Variants in KALRN observed in about 807,000 individuals in gnomAD.
The protein encoded by KALRN is kalirin.
Under a neutral mutation model 353.7 loss-of-function variants are expected in KALRN, and 70 were observed. That is an observed-to-expected ratio of 0.20 (90% CI 0.16 to 0.24). The LOEUF is 0.24. Ranked by LOEUF, KALRN falls within the 10% of genes least tolerant of loss-of-function variation. KALRN has a pLI of 1.00. For missense variants in KALRN, 2,791 were observed against 3,756.7 expected (o/e 0.74, Z 6.72); for synonymous variants, 1,391 against 1,434.8 (o/e 0.97, Z 0.69).
At chr3:124,498,725 G>A (rs1425096750) in intron 33 of KALRN, among the ~76,000 whole-genome samples, 1 of 152,110 alleles carries the variant, frequency 6.6e-6, no homozygotes, top group Non-Finnish European at 1.5e-5. Flanking sequence ...GATCAGTCTA[G>A]TACTATGCAC....
At chr3:124,200,740 G>A (rs1475727870) in intron 1 of KALRN, among the ~76,000 whole-genome samples, 1 of 152,132 alleles carries the variant, frequency 6.6e-6, no homozygotes, top group Admixed American at 6.5e-5. Flanking sequence ...TCTAAGTCTG[G>A]GGTATATTTT....
intron 34 of KALRN, among the ~76,000 whole-genome samples, chr3:124,607,605 C>G (rs974700647): frequency 2.6e-5 from 4 of 152,058 alleles, no homozygotes; most frequent in African/African-American, 7.3e-5. Context: ...AATATATCAC[C>G]CTATAATCCT....
At chr3:124,430,512 T>C in intron 15 of KALRN, 144 bp from the exon 16 acceptor site, 1 of 959,264 alleles carries the variant, frequency 1.0e-6, no homozygotes, top group African/African-American at 1.6e-5. Context: ...ATGACCATTT[T>C]GATTATGGTG....
intron 1 of KALRN, among the ~76,000 whole-genome samples, chr3:124,053,748 G>T (rs138722587): frequency 6.6e-6 from 1 of 152,228 alleles, no homozygotes; most frequent in African/African-American, 2.4e-5. Context: ...TGTTGCTCAT[G>T]CTTTGGATAT....
chr3:124,208,990 C>A (rs77641848), intron 1 of KALRN, among the ~76,000 whole-genome samples: 3,628 of 150,966 alleles, frequency 0.024, 165 homozygotes, highest in East Asian at 0.19. Context: ...TAATAATCAT[C>A]ATCATCATCA....
At chr3:124,123,434 C>A (rs533438579) in intron 1 of KALRN, among the ~76,000 whole-genome samples, 6 of 152,296 alleles carry the variant, frequency 3.9e-5, no homozygotes, top group Non-Finnish European at 2.9e-5. Flanking sequence ...AGCACTAATT[C>A]TCTTCAATTC....
Position 124,434,617 on chromosome 3 carries a change from G to A in KALRN, c.3048+92G>A, listed in dbSNP as rs2093399698. 4 of 1,116,666 alleles carry A rather than the reference G, an allele frequency of 3.6e-6. No homozygotes were observed. The Middle Eastern group carries it at 7.8e-4, about 217-fold the overall frequency. The allele number at this position is 1,116,666 out of a possible 1,614,324, so 69.2% of individuals were successfully genotyped here. A position where few individuals can be genotyped will look rare whatever the true frequency, so the allele number is the denominator to read the frequency against. On this transcript the variant is annotated intron_variant, in intron 17 of 59. Transcript: ENST00000682506. The stretch of plus-strand genomic sequence containing the variant: ...GTAAATGTGCAGTGCTTATGTCAGC[G>A]AGAAGCCTGTCCTTTCAGTACTAAC...
chr3:124,487,196 A>G (rs1204612489), intron 28 of KALRN, among the ~76,000 whole-genome samples: 1 of 152,218 alleles, frequency 6.6e-6, no homozygotes, highest in Non-Finnish European at 1.5e-5. Context: ...CTGATAGGAA[A>G]AATGAAAAGC....
At chr3:124,438,798 C>A in intron 17 of KALRN, 90 bp from the exon 18 acceptor site, 2 of 1,123,496 alleles carry the variant, frequency 1.8e-6, no homozygotes, top group Non-Finnish European at 2.5e-6. Context: ...TGAAAAATGT[C>A]ATATGTGTAG....
At chr3:124,488,361 A>G in intron 29 of KALRN, 46 bp downstream of exon 29, 2 of 1,237,030 alleles carry the variant, frequency 1.6e-6, no homozygotes, top group Non-Finnish European at 2.4e-6. Context: ...CTTCCTTGAC[A>G]CGGGGGAGCT....
intron 23 of KALRN, among the ~76,000 whole-genome samples, chr3:124,461,387 G>T (rs1439673458): frequency 6.6e-6 from 1 of 151,644 alleles, no homozygotes; most frequent in African/African-American, 2.4e-5. Flanking sequence ...ATCTCGGTGT[G>T]TTGGACCTCT....
At chr3:124,682,024 T>C (rs908894847) in intron 51 of KALRN, among the ~76,000 whole-genome samples, 1 of 152,218 alleles carries the variant, frequency 6.6e-6, no homozygotes, top group Non-Finnish European at 1.5e-5. Flanking sequence ...TTGGCACTGC[T>C]AGTTTGGTAT....
intron 54 of KALRN, 119 bp from the exon 55 acceptor site, chr3:124,697,471 GAGA>G: frequency 1.1e-6 from 1 of 939,868 alleles, no homozygotes; most frequent in Non-Finnish European, 1.5e-6. Flanking sequence ...CCACTTGGTG[GAGA>G]AGGTCACAGG....
intron 1 of KALRN, among the ~76,000 whole-genome samples, chr3:124,211,770 C>T (rs139694375): frequency 1.5e-3 from 227 of 152,262 alleles, no homozygotes; most frequent in Non-Finnish European, 2.6e-3. Context: ...TTCTGCCTCT[C>T]GATTTTAGAG....
intron 36 of KALRN, among the ~76,000 whole-genome samples, chr3:124,635,720 G>A (rs961561704): frequency 6.6e-5 from 10 of 151,930 alleles, no homozygotes; most frequent in Admixed American, 2.0e-4. Flanking sequence ...ATGTGTGTAC[G>A]TTTTACTTTT....
intron 1 of KALRN, among the ~76,000 whole-genome samples, chr3:124,074,095 A>T (rs1303001348): frequency 6.6e-6 from 1 of 152,034 alleles, no homozygotes; most frequent in African/African-American, 2.4e-5. Context: ...TGGATGGGAT[A>T]GGTTACAAGG....
chr3:124,717,475 A>G, intron 59 of KALRN, 90 bp downstream of exon 59: 2 of 805,704 alleles, frequency 2.5e-6, no homozygotes, highest in South Asian at 2.3e-5. Context: ...TCACAAGGTC[A>G]GGAGATCGAG....
intron 1 of KALRN, among the ~76,000 whole-genome samples, chr3:124,191,977 T>C (rs146374274): frequency 5.4e-4 from 82 of 152,358 alleles, no homozygotes; most frequent in African/African-American, 1.9e-3. Context: ...GATCAAACCA[T>C]ATCTCCAGGT....
At chr3:124,153,372 G>A (rs984054193) in intron 1 of KALRN, among the ~76,000 whole-genome samples, 59 of 149,406 alleles carry the variant, frequency 3.9e-4, no homozygotes, top group African/African-American at 6.7e-4. Context: ...GCGGTGTTTC[G>A]TTTTTTGTCC....
Sources: gnomAD v4.1 joint callset for allele counts (sites outside exome capture counted in the v4.1 genomes callset) on GRCh38, gnomAD v4.1.1 for gene constraint, MANE v1.5 for transcripts, NCBI Gene and HGNC (gene_info 2026-07-23, HGNC 2026-07-21) for gene names.